RGS7: variants seen among roughly 807,000 people sequenced by gnomAD.
RGS7 encodes the protein regulator of G-protein signaling 7.
In RGS7, 27 loss-of-function variants were observed where a neutral mutation model predicts 81.1. The ratio of observed to expected loss-of-function variants is 0.33; its 90% confidence interval spans 0.25 to 0.46. The LOEUF is 0.46. RGS7 is among the 20% of genes least tolerant of loss of function. The probability of loss-of-function intolerance (pLI) is 1.00; values close to 1 mark genes in which losing one functional copy is unlikely to be tolerated. For synonymous variants in RGS7, 208 were observed against 207.7 expected (o/e 1.00, Z -0.01); for missense variants, 396 against 607.4 (o/e 0.65, Z 3.66).
At chr1:241,101,611 G>A (rs1265795745) in intron 2 of RGS7, among the ~76,000 whole-genome samples, 1 of 152,096 alleles carries the variant, frequency 6.6e-6, no homozygotes, top group Non-Finnish European at 1.5e-5. Context: ...TTGTAATAAA[G>A]ATCTGTAATA....
Position 241,064,922 on chromosome 1 carries a change from G to A in RGS7, c.175+33744C>T, listed in dbSNP as rs762516758. Among the ~76,000 whole-genome samples the A allele has an allele frequency of 5.3e-5, 8 of 151,644 alleles. No homozygotes were observed. The South Asian group carries it at 6.3e-4, about 12-fold the overall frequency. ...TTATTTATTGGGTTTCCTGTATGAC[G>A]TCTTCAAAAAAAAAGGATGCAAGAA... On this transcript the variant is annotated intron_variant, in intron 3 of 18. Coordinates refer to ENST00000440928, the MANE Select transcript of RGS7 (RefSeq NM_001364886.1).
At chr1:241,219,438 T>C (rs1470705165) in intron 2 of RGS7, among the ~76,000 whole-genome samples, 1 of 152,226 alleles carries the variant, frequency 6.6e-6, no homozygotes, top group Admixed American at 6.5e-5. Flanking sequence ...TAAACCTCTT[T>C]CTTTTGTAAA....
chr1:241,104,223 C>T (rs564708808), intron 2 of RGS7, among the ~76,000 whole-genome samples: 2 of 152,284 alleles, frequency 1.3e-5, no homozygotes, highest in African/African-American at 4.8e-5. Context: ...CTTCCTTCAT[C>T]GTTGTACTAG....
intron 2 of RGS7, among the ~76,000 whole-genome samples, chr1:241,347,507 C>T (rs938736366): frequency 3.9e-5 from 6 of 152,196 alleles, no homozygotes; most frequent in African/African-American, 1.4e-4. Flanking sequence ...TTAAAATTCT[C>T]AGAAAGGGTT....
chr1:240,975,897 A>G (rs1019580936), intron 4 of RGS7, among the ~76,000 whole-genome samples: 1 of 151,050 alleles, frequency 6.6e-6, no homozygotes, highest in South Asian at 2.1e-4. Context: ...ATTTGCTCAC[A>G]CAGTCCTGCG....
intron 3 of RGS7, among the ~76,000 whole-genome samples, chr1:241,046,205 T>TA (rs1360037911): frequency 6.6e-6 from 1 of 152,186 alleles, no homozygotes; most frequent in East Asian, 1.9e-4. Flanking sequence ...GCAGGTTTGT[T>TA]ACGTGGGTAT....
At chr1:241,108,768 T>C (rs898925260) in intron 2 of RGS7, among the ~76,000 whole-genome samples, 1 of 152,130 alleles carries the variant, frequency 6.6e-6, no homozygotes, top group African/African-American at 2.4e-5. Flanking sequence ...AATACTTTAA[T>C]CAATTGCTTC....
chr1:240,812,046 A>G lies in RGS7; in HGVS notation c.957-3T>C, dbSNP rs767026952. ...CCCTCTGCTGGCTCGGTTCTTTGCTATAGAAGATAAAACAAAGGCAAATAC... is the reference window on the plus strand; with the variant it reads ...CCCTCTGCTGGCTCGGTTCTTTGCTGTAGAAGATAAAACAAAGGCAAATAC... On this transcript the variant is annotated splice_region_variant and splice_polypyrimidine_tract_variant and intron_variant, in intron 13 of 18. Coordinates refer to ENST00000440928, the MANE Select transcript of RGS7 (RefSeq NM_001364886.1). 6.2e-7 allele frequency: 1 copy of G among 1,614,140 alleles called. No individual in the cohort carries two copies. The highest frequency in any genetic ancestry group is 1.1e-5 in the South Asian group (1 of 91,068).
chr1:241,136,605 G>T (rs76913473), intron 2 of RGS7, among the ~76,000 whole-genome samples: 1 of 152,154 alleles, frequency 6.6e-6, no homozygotes, highest in Non-Finnish European at 1.5e-5. Context: ...ACGAAAGGCC[G>T]GGTGATGGCA....
intron 4 of RGS7, among the ~76,000 whole-genome samples, chr1:240,949,016 TA>T (rs1012378035): frequency 5.9e-5 from 9 of 152,154 alleles, no homozygotes; most frequent in African/African-American, 1.7e-4. Context: ...GAATTTTAGC[TA>T]AAATGCACAG....
chr1:241,146,907 C>T (rs188115685), intron 2 of RGS7, among the ~76,000 whole-genome samples: 1 of 152,160 alleles, frequency 6.6e-6, no homozygotes, highest in Non-Finnish European at 1.5e-5. Context: ...AAAGGCTCTA[C>T]CTTCAGGGCC....
chr1:241,156,072 ACACGCACG>A (rs1015918848), intron 2 of RGS7, among the ~76,000 whole-genome samples: 4 of 140,478 alleles, frequency 2.8e-5, no homozygotes, highest in African/African-American at 1.2e-4. Context: ...CTAAATTTAC[ACACGCACG>A]CACACACACA....
At chr1:240,973,457 C>T (rs1683565118) in intron 4 of RGS7, among the ~76,000 whole-genome samples, 1 of 151,630 alleles carries the variant, frequency 6.6e-6, no homozygotes, top group Non-Finnish European at 1.5e-5. Flanking sequence ...TTACAGTGAG[C>T]CGAGATCACG....
At chr1:241,005,680 A>G (rs1391152235) in intron 3 of RGS7, among the ~76,000 whole-genome samples, 1 of 151,974 alleles carries the variant, frequency 6.6e-6, no homozygotes, top group Non-Finnish European at 1.5e-5. Context: ...GATTACAGGC[A>G]TCCATCACCA....
intron 6 of RGS7, among the ~76,000 whole-genome samples, chr1:240,887,676 T>G (rs1667615052): frequency 6.6e-6 from 1 of 152,224 alleles, no homozygotes; most frequent in Admixed American, 6.5e-5. Flanking sequence ...ATGTGTCTGT[T>G]GCATCTTGAA....
intron 18 of RGS7, among the ~76,000 whole-genome samples, chr1:240,791,427 C>G (rs1489172112): frequency 6.6e-6 from 1 of 152,104 alleles, no homozygotes; most frequent in Non-Finnish European, 1.5e-5. Flanking sequence ...CATAATATAT[C>G]CATGCTTATA....
rs977351590 is a variant in RGS7, at chr1:241,079,510, G to A, written c.175+19156C>T. Among the ~76,000 whole-genome samples the A allele has an allele frequency of 4.6e-5, 7 of 152,144 alleles. No homozygotes were observed. The East Asian group carries it at 1.3e-3, about 29-fold the overall frequency. Reference sequence around the variant, plus strand: ...AGGAATGATTAATGCCAGCTAGCTTGGGGAGGGGGCTATGATGAGAGAAAG... The same window carrying A: ...AGGAATGATTAATGCCAGCTAGCTTAGGGAGGGGGCTATGATGAGAGAAAG... On this transcript the variant is annotated intron_variant, in intron 3 of 18. Transcript: ENST00000440928.
intron 2 of RGS7, among the ~76,000 whole-genome samples, chr1:241,249,699 C>T (rs1242080639): frequency 6.6e-6 from 1 of 152,082 alleles, no homozygotes; most frequent in African/African-American, 2.4e-5. Flanking sequence ...TGAACATATG[C>T]ATTCATTATG....
At chr1:241,113,111 A>G (rs955271835) in intron 2 of RGS7, among the ~76,000 whole-genome samples, 2 of 152,186 alleles carry the variant, frequency 1.3e-5, no homozygotes, top group South Asian at 4.1e-4. Context: ...ACACAAACAT[A>G]TAACTTCTAG....
Sources: allele counts gnomAD v4.1 joint callset (sites outside exome capture counted in the v4.1 genomes callset), GRCh38; gene constraint gnomAD v4.1.1; transcripts MANE v1.5; gene names NCBI Gene and HGNC (gene_info 2026-07-23, HGNC 2026-07-21).